The following SLC19A2 variants were observed in gnomAD, a reference collection of about 807,000 sequenced individuals.
The protein encoded by SLC19A2 is thiamine transporter 1.
SLC19A2 carries 27 observed loss-of-function variants against 44.7 expected under a neutral mutation model. The observed-to-expected ratio is 0.60, with a 90% CI of 0.45 to 0.83. The LOEUF (loss-of-function observed/expected upper bound fraction) is 0.83, where lower values mean the gene tolerates loss of function less well. SLC19A2 is among the 40% of genes least tolerant of loss of function. SLC19A2 has a pLI of 0.00. For synonymous variants in SLC19A2, 239 were observed against 243.6 expected (o/e 0.98, Z 0.18); for missense variants, 566 against 613.7 (o/e 0.92, Z 0.82).
rs776444312 is a variant in SLC19A2, at chr1:169,485,719, G to GGCCGCC, written c.42_47dup (p.Ala15_Ala16dup). 22 of 1,537,344 alleles carry GGCCGCC rather than the reference G, an allele frequency of 1.4e-5. No homozygotes were observed. Among genetic ancestry groups the GGCCGCC allele is most frequent in the African/African-American group, 5.5e-5 (4 of 72,974 alleles). On this transcript the variant is annotated inframe_insertion, in exon 1 of 6. Transcript: ENST00000236137. The stretch of plus-strand genomic sequence containing the variant: ...CCCGAGCGGTCCGCAGGAGCACAGT[G>GGCCGCC]GCCGCCGCCGCCGCCGCCCGCCGAG...
intron 2 of SLC19A2, among the ~76,000 whole-genome samples, chr1:169,475,561 T>C (rs1658285617): frequency 6.6e-6 from 1 of 152,158 alleles, no homozygotes; most frequent in Non-Finnish European, 1.5e-5. Context: ...TCAAAACAGA[T>C]AAAGAAGTGT....
intron 2 of SLC19A2, among the ~76,000 whole-genome samples, chr1:169,471,676 G>GT: frequency 6.0e-5 from 1 of 16,610 alleles, no homozygotes; most frequent in East Asian, 7.9e-4. Context: ...AAAAACAAAC[G>GT]TGTGTGTGTG....
At chr1:169,470,273 G>T in intron 2 of SLC19A2, 87 bp from the exon 3 acceptor site, 1 of 1,109,560 alleles carries the variant, frequency 9.0e-7, no homozygotes, top group Non-Finnish European at 1.4e-6. Context: ...TTACCTAACA[G>T]ACTTTTTTCC....
chr1:169,465,872 T>C lies in SLC19A2; in HGVS notation c.1471A>G (p.Ser491Gly). 6.2e-7 allele frequency: 1 copy of C among 1,614,070 alleles called. No individual in the cohort carries two copies. Among genetic ancestry groups the C allele is most frequent in the Non-Finnish European group, 8.5e-7 (1 of 1,179,932 alleles). Residue 491 changes from serine (S) to glycine (G), a missense_variant, in exon 6 of 6, where the codon AGT becomes GGT. Coordinates refer to ENST00000236137, the MANE Select transcript of SLC19A2 (RefSeq NM_006996.3). ...KCRKLEDPQS[S>G]SQVTTS ...TATTATGAAGTGGTTACTTGAGAAC[T>C]TGATTGTGGATCTTCCAGCTTTCTA...
intron 2 of SLC19A2, among the ~76,000 whole-genome samples, chr1:169,476,700 A>G (rs1160917587): frequency 6.6e-6 from 1 of 152,178 alleles, no homozygotes; most frequent in Non-Finnish European, 1.5e-5. Flanking sequence ...AGCCTCAGCA[A>G]TAGAGCAAGA....
intron 2 of SLC19A2, among the ~76,000 whole-genome samples, chr1:169,475,891 T>A (rs1053240355): frequency 3.9e-5 from 6 of 152,144 alleles, no homozygotes; most frequent in African/African-American, 1.4e-4. Flanking sequence ...ATGAGGACAT[T>A]AGATGCCACA....
chr1:169,471,700 A>ATGTG (rs1557889970), intron 2 of SLC19A2, among the ~76,000 whole-genome samples: 2 of 129,634 alleles, frequency 1.5e-5, no homozygotes, highest in Non-Finnish European at 3.1e-5. Context: ...GTGTGTGTGT[A>ATGTG]TATATACACA....
rs1658080198 is a variant in SLC19A2 at position 169,468,197 on chromosome 1, T to A, written c.1279A>T (p.Asn427Tyr). 1 of 1,613,772 alleles carries A rather than the reference T, an allele frequency of 6.2e-7. No individual in the cohort carries two copies. Among genetic ancestry groups the A allele is most frequent in the South Asian group, 1.1e-5 (1 of 91,076 alleles). Residue 427 changes from asparagine (N) to tyrosine (Y), a missense_variant, in exon 5 of 6, where the codon AAT becomes TAT. Transcript: ENST00000236137. The part of the protein sequence containing the change: ...MERYALVFGV[N>Y]TFIALALQTL... Reference sequence around the variant, plus strand: ...TGCAGTGCCAGGGCAATGAAGGTATTTACACCAAATACTAGGGCATAGCGT... The same window carrying A: ...TGCAGTGCCAGGGCAATGAAGGTATATACACCAAATACTAGGGCATAGCGT...
At chr1:169,477,899 A>C (rs1388925788) in intron 1 of SLC19A2, 142 bp from the exon 2 acceptor site, 1 of 874,846 alleles carries the variant, frequency 1.1e-6, no homozygotes, top group Admixed American at 2.7e-5. Context: ...GATAACTTTG[A>C]AAATGTCTTT....
chr1:169,477,187 G>T lies in SLC19A2; in HGVS notation c.775C>A (p.Leu259Ile), dbSNP rs755125665. ...TCCACGGGAGGCTCCTCCATATTTA[G>T]AGGGATTTTTGACTCAATGTCCTCC... is the stretch of plus-strand genomic sequence containing the variant. ...GWEDIESKIPLNMEEPPVEEP... is the reference protein window; with the variant it reads ...GWEDIESKIPINMEEPPVEEP... Residue 259 changes from leucine (L) to isoleucine (I), a missense_variant, in exon 2 of 6, where the codon CTA becomes ATA. Leu to Ile is a conservative substitution (Grantham distance 5, BLOSUM62 2). Transcript: ENST00000236137. 2 of 1,613,954 alleles carry T rather than the reference G, an allele frequency of 1.2e-6. No homozygotes were observed. Among genetic ancestry groups the T allele is most frequent in the Middle Eastern group, 1.7e-4 (1 of 5,954 alleles).
chr1:169,469,300 A>G (rs193028762), intron 3 of SLC19A2: 24 of 197,482 alleles, frequency 1.2e-4, no homozygotes, highest in Non-Finnish European at 8.3e-5. Flanking sequence ...TCTGAGGGCC[A>G]AGACAGATAA....
At chr1:169,476,674 C>G (rs1405154099) in intron 2 of SLC19A2, among the ~76,000 whole-genome samples, 2 of 152,004 alleles carry the variant, frequency 1.3e-5, no homozygotes, top group Non-Finnish European at 2.9e-5. Flanking sequence ...GAATCGAGAT[C>G]GCACCACTGT....
rs376913647 is a variant in SLC19A2, at chr1:169,484,587, T to A, written c.204+976A>T. On this transcript the variant is annotated intron_variant, in intron 1 of 5. Transcript: ENST00000236137. ...GGAAGAGGGTGTTGAATCGGCTTTA[T>A]TTCGGTTTTGTGGAAGTACTTTGGG... Among the ~76,000 whole-genome samples the A allele has an allele frequency of 2.6e-4, 40 of 152,352 alleles. No individual in the cohort carries two copies. The South Asian group carries it at 8.3e-3, about 32-fold the overall frequency.
rs963789595 is a variant in SLC19A2 at position 169,485,838 on chromosome 1, G to A, written c.-72C>T. On this transcript the variant is annotated 5_prime_UTR_variant, in exon 1 of 6. Transcript: ENST00000236137. ...CCTCCGCCAACTGGAGTGAGGGTCAGGCACTTGTAACCGCGAGTGACGCCT... is the reference window on the plus strand; with the variant it reads ...CCTCCGCCAACTGGAGTGAGGGTCAAGCACTTGTAACCGCGAGTGACGCCT... 1.4e-6 allele frequency: 2 copies of A among 1,460,978 alleles called. No homozygotes were observed. Among genetic ancestry groups the A allele is most frequent in the Non-Finnish European group, 1.8e-6 (2 of 1,106,276 alleles). 90.5% of individuals were successfully genotyped at this position (1,460,978 alleles called of 1,614,324 possible).
rs536443356 is a variant in SLC19A2 at position 169,476,978 on chromosome 1, A to G, written c.807+177T>C. Among the ~76,000 whole-genome samples, 16 of 152,322 alleles carry G rather than the reference A, an allele frequency of 1.1e-4. No homozygotes were observed. The South Asian group carries it at 2.7e-3, about 26-fold the overall frequency. On this transcript the variant is annotated intron_variant, in intron 2 of 5. Coordinates refer to ENST00000236137, the MANE Select transcript of SLC19A2 (RefSeq NM_006996.3). The stretch of plus-strand genomic sequence containing the variant: ...AAAAAATAAATGTGTCATCCCTAAT[A>G]TAAATAAACCATAGCTTGAATGAAT...
At chr1:169,478,188 C>T (rs1187829028) in intron 1 of SLC19A2, among the ~76,000 whole-genome samples, 2 of 152,130 alleles carry the variant, frequency 1.3e-5, no homozygotes, top group South Asian at 2.1e-4. Flanking sequence ...TGAGCCACCT[C>T]GCCCAGCCTG....
chr1:169,484,888 G>C, intron 1 of SLC19A2, among the ~76,000 whole-genome samples: 1 of 152,098 alleles, frequency 6.6e-6, no homozygotes, highest in East Asian at 1.9e-4. Flanking sequence ...GCAACAATTC[G>C]CAATACAAGA....
intron 2 of SLC19A2, among the ~76,000 whole-genome samples, chr1:169,475,638 C>T (rs1249178579): frequency 1.3e-5 from 2 of 152,124 alleles, no homozygotes; most frequent in Non-Finnish European, 2.9e-5. Flanking sequence ...CCCCCATCAA[C>T]CCTCTGTTGA....
At chr1:169,476,093 T>C (rs1658298109) in intron 2 of SLC19A2, among the ~76,000 whole-genome samples, 1 of 152,096 alleles carries the variant, frequency 6.6e-6, no homozygotes, top group South Asian at 2.1e-4. Flanking sequence ...GAATTAACTT[T>C]GTTCCTCACA....
Sources: gnomAD v4.1 joint callset for allele counts (sites outside exome capture counted in the v4.1 genomes callset) on GRCh38, gnomAD v4.1.1 for gene constraint, MANE v1.5 for transcripts, NCBI Gene and HGNC (gene_info 2026-07-23, HGNC 2026-07-21) for gene names.